Variants in TAFA1 observed in about 807,000 individuals in gnomAD.
The protein encoded by TAFA1 is TAFA chemokine like family member 1.
A neutral mutation model predicts 18.5 loss-of-function variants in TAFA1; 4 were observed. That is an observed-to-expected ratio of 0.22 (90% CI 0.11 to 0.49). TAFA1 has a LOEUF of 0.49. Among genes scored for constraint, TAFA1 ranks in the 20% least tolerant of loss-of-function variants. The probability of loss-of-function intolerance (pLI) is 0.98; values close to 1 mark genes in which losing one functional copy is unlikely to be tolerated. For synonymous variants in TAFA1, 56 were observed against 55.2 expected (o/e 1.01, Z -0.06); for missense variants, 147 against 169.0 (o/e 0.87, Z 0.72).
intron 3 of TAFA1, among the ~76,000 whole-genome samples, chr3:68,453,209 C>G (rs911786181): frequency 6.6e-6 from 1 of 152,146 alleles, no homozygotes; most frequent in African/African-American, 2.4e-5. Flanking sequence ...GCCCCAAACC[C>G]TCTGTCTTGA....
chr3:68,463,538 G>A (rs563518300), intron 3 of TAFA1, among the ~76,000 whole-genome samples: 58 of 152,136 alleles, frequency 3.8e-4, no homozygotes, highest in African/African-American at 1.4e-3. Flanking sequence ...TGCCTTTTGT[G>A]TTGTGTAACT....
intron 2 of TAFA1, among the ~76,000 whole-genome samples, chr3:68,411,710 C>T (rs1309251142): frequency 2.0e-5 from 3 of 152,240 alleles, no homozygotes; most frequent in East Asian, 1.9e-4. Flanking sequence ...ACTGAGCCCC[C>T]TTGGATAATC....
chr3:68,240,320 A>G (rs754166732), intron 2 of TAFA1, among the ~76,000 whole-genome samples: 3 of 152,180 alleles, frequency 2.0e-5, no homozygotes, highest in Admixed American at 6.5e-5. Context: ...AGCAGGTCAG[A>G]ACTCTTGTAA....
rs117362151 is a variant in TAFA1 at position 68,252,209 on chromosome 3, A to C, written c.119-165071A>C. ...TCTCTTATGAAATTCACCAGATGTA[A>C]CCCTTCTTTTCCATTGCTCCTGCTA... On this transcript the variant is annotated intron_variant, in intron 2 of 4. Transcript: ENST00000478136. Among the ~76,000 whole-genome samples, 858 of 152,020 alleles carry C rather than the reference A, an allele frequency of 5.6e-3. 45 individuals carry two copies. In the East Asian group the frequency reaches 0.11, roughly 20 times the overall value.
chr3:68,413,278 G>GCC (rs2070750016), intron 2 of TAFA1, among the ~76,000 whole-genome samples: 1 of 151,998 alleles, frequency 6.6e-6, no homozygotes, highest in South Asian at 2.1e-4. Context: ...CTGGATATTA[G>GCC]CTTTGTCAGA....
chr3:68,043,312 A>G lies in TAFA1; in HGVS notation c.118+36568A>G, dbSNP rs1705205249. ...CTTACTTAAAGTAGAAAGTGGTGAT[A>G]CTGGAAGGATAAAAGGGACTGTTAA... On this transcript the variant is annotated intron_variant, in intron 2 of 4. Transcript: ENST00000478136. Among the ~76,000 whole-genome samples the G allele has an allele frequency of 2.6e-5, 4 of 152,316 alleles. No individual in the cohort carries two copies. In the South Asian group the frequency reaches 8.3e-4, roughly 32 times the overall value.
intron 3 of TAFA1, among the ~76,000 whole-genome samples, chr3:68,500,175 T>C (rs111907943): frequency 1.1e-4 from 16 of 152,258 alleles, no homozygotes; most frequent in African/African-American, 3.8e-4. Context: ...AGGTGAGTCA[T>C]GGGATCAGCT....
chr3:68,249,765 T>G lies in TAFA1; in HGVS notation c.119-167515T>G, dbSNP rs559160636. Among the ~76,000 whole-genome samples the G allele has an allele frequency of 3.3e-5, 5 of 152,162 alleles. No individual in the cohort carries two copies. In the East Asian group the frequency reaches 9.7e-4, roughly 29 times the overall value. On this transcript the variant is annotated intron_variant, in intron 2 of 4. Coordinates refer to ENST00000478136, the MANE Select transcript of TAFA1 (RefSeq NM_213609.4). Reference sequence around the variant, plus strand: ...CCACTCAGTCATAAAAGAGCAGAATTAAATTAAGGCTGCTAAAAGTAGAGA... The same window carrying G: ...CCACTCAGTCATAAAAGAGCAGAATGAAATTAAGGCTGCTAAAAGTAGAGA...
intron 2 of TAFA1, among the ~76,000 whole-genome samples, chr3:68,126,231 C>G (rs1288766354): frequency 6.6e-6 from 1 of 152,152 alleles, no homozygotes; most frequent in East Asian, 1.9e-4. Context: ...TGCTGCCTCC[C>G]CAGTGCCTAC....
intron 2 of TAFA1, among the ~76,000 whole-genome samples, chr3:68,122,297 C>G (rs1196779239): frequency 9.9e-5 from 15 of 152,056 alleles, no homozygotes; most frequent in Admixed American, 9.8e-4. Context: ...TTCCCATTGG[C>G]AATGACACCA....
intron 2 of TAFA1, among the ~76,000 whole-genome samples, chr3:68,412,846 T>A (rs1177417785): frequency 6.6e-6 from 1 of 152,134 alleles, no homozygotes; most frequent in Admixed American, 6.5e-5. Flanking sequence ...TACGTGTGCA[T>A]GTGTCTTTAT....
intron 2 of TAFA1, among the ~76,000 whole-genome samples, chr3:68,010,911 A>T (rs969156907): frequency 6.6e-6 from 1 of 152,188 alleles, no homozygotes; most frequent in Non-Finnish European, 1.5e-5. Flanking sequence ...CACACTAAAA[A>T]ATGAAAACTC....
At chr3:68,095,876 C>T (rs375282009) in intron 2 of TAFA1, among the ~76,000 whole-genome samples, 52 of 152,142 alleles carry the variant, frequency 3.4e-4, no homozygotes, top group African/African-American at 1.2e-3. Flanking sequence ...TATTTTGTTA[C>T]ATGCATAGAA....
intron 2 of TAFA1, among the ~76,000 whole-genome samples, chr3:68,269,903 G>A (rs1007299117): frequency 7.9e-5 from 12 of 152,156 alleles, no homozygotes; most frequent in African/African-American, 2.9e-4. Flanking sequence ...TATGCATGTT[G>A]TAACTTTTCA....
intron 2 of TAFA1, among the ~76,000 whole-genome samples, chr3:68,362,578 G>T (rs913363247): frequency 6.6e-6 from 1 of 152,072 alleles, no homozygotes; most frequent in African/African-American, 2.4e-5. Context: ...GTTTGTGTTT[G>T]GTTTGTTTGC....
At chr3:68,181,662 G>T (rs4279105) in intron 2 of TAFA1, among the ~76,000 whole-genome samples, 1 of 151,980 alleles carries the variant, frequency 6.6e-6, no homozygotes, top group Non-Finnish European at 1.5e-5. Flanking sequence ...GTATGTCTTA[G>T]ATACAAAAAT....
intron 2 of TAFA1, among the ~76,000 whole-genome samples, chr3:68,416,655 G>A (rs1575847991): frequency 1.3e-5 from 2 of 152,192 alleles, no homozygotes. Context: ...ATGAATGCAT[G>A]GATGAGCTGT....
intron 2 of TAFA1, among the ~76,000 whole-genome samples, chr3:68,306,979 G>T (rs1258385485): frequency 6.6e-6 from 1 of 151,878 alleles, no homozygotes; most frequent in Non-Finnish European, 1.5e-5. Flanking sequence ...CATGATCTTT[G>T]ACTCCAGCAA....
chr3:68,371,825 C>T (rs2069712499), intron 2 of TAFA1, among the ~76,000 whole-genome samples: 2 of 152,176 alleles, frequency 1.3e-5, no homozygotes, highest in South Asian at 4.1e-4. Context: ...ATGTTGAGAA[C>T]TGGTGAGCAC....
Sources: allele counts gnomAD v4.1 joint callset (sites outside exome capture counted in the v4.1 genomes callset), GRCh38; gene constraint gnomAD v4.1.1; transcripts MANE v1.5; gene names NCBI Gene and HGNC (gene_info 2026-07-23, HGNC 2026-07-21).